GLIS3: variants seen among roughly 807,000 people sequenced by gnomAD.
GLIS3 encodes zinc finger protein GLIS3.
A neutral mutation model predicts 78.6 loss-of-function variants in GLIS3; 53 were observed. The ratio of observed to expected loss-of-function variants is 0.67; its 90% CI spans 0.54 to 0.85. The LOEUF (loss-of-function observed/expected upper bound fraction) is 0.85, where lower values mean the gene tolerates loss of function less well. Among genes scored for constraint, GLIS3 ranks in the 40% least tolerant of loss-of-function variants. The pLI is 0.00. For missense variants in GLIS3, 1,703 were observed against 1,231.1 expected, an observed-to-expected ratio of 1.38 and a Z score of -5.74; for synonymous variants, 684 against 509.9, an observed-to-expected ratio of 1.34 and a Z score of -4.60.
chr9:4,461,807 G>A, the GLIS3 span, among the ~76,000 whole-genome samples: 2 of 152,168 alleles, frequency 1.3e-5, no homozygotes, highest in Non-Finnish European at 2.9e-5. Flanking sequence ...AAGATCAAGT[G>A]GAGCTATATG....
intron 6 of GLIS3, among the ~76,000 whole-genome samples, chr9:3,917,601 A>AT (rs5896034): frequency 0.11 from 16,270 of 146,282 alleles, 972 homozygotes; most frequent in East Asian, 0.17. Flanking sequence ...TCCATCCATT[A>AT]TTTTTTTTTT....
intron 4 of GLIS3, among the ~76,000 whole-genome samples, chr9:4,060,308 C>T (rs1826537515): frequency 6.6e-6 from 1 of 152,182 alleles, no homozygotes; most frequent in South Asian, 2.1e-4. Flanking sequence ...GTCTTTTGAA[C>T]CTCAAATCTG....
intron 2 of GLIS3, among the ~76,000 whole-genome samples, chr9:4,260,359 G>A (rs1825396560): frequency 6.6e-6 from 1 of 152,134 alleles, no homozygotes; most frequent in Non-Finnish European, 1.5e-5. Context: ...GAGGTCAGGA[G>A]TTCAAGACCA....
chr9:4,266,471 C>G (rs577541520), intron 2 of GLIS3, among the ~76,000 whole-genome samples: 2 of 152,182 alleles, frequency 1.3e-5, no homozygotes, highest in East Asian at 1.9e-4. Context: ...GACTTTGTTT[C>G]TTTCTTCTCC....
At chr9:4,147,957 A>G (rs1226102170) in intron 2 of GLIS3, among the ~76,000 whole-genome samples, 1 of 152,250 alleles carries the variant, frequency 6.6e-6, no homozygotes, top group Non-Finnish European at 1.5e-5. Context: ...CATTTTGCAC[A>G]CATCTCTATA....
chr9:4,346,541 C>T (rs987971311), intron 2 of GLIS3, among the ~76,000 whole-genome samples: 2 of 152,178 alleles, frequency 1.3e-5, no homozygotes, highest in African/African-American at 4.8e-5. Flanking sequence ...ACATCCAGAG[C>T]CACAAAATGT....
intron 9 of GLIS3, among the ~76,000 whole-genome samples, chr9:3,835,664 T>C (rs1818305734): frequency 6.6e-6 from 1 of 152,250 alleles, no homozygotes; most frequent in Non-Finnish European, 1.5e-5. Flanking sequence ...TATCTACTTG[T>C]AATCACAAAG....
chr9:3,940,166 G>A (rs1815770095), intron 4 of GLIS3, among the ~76,000 whole-genome samples: 1 of 152,156 alleles, frequency 6.6e-6, no homozygotes, highest in Non-Finnish European at 1.5e-5. Context: ...AAATGCAAAT[G>A]CATTACAAAT....
intron 6 of GLIS3, among the ~76,000 whole-genome samples, chr9:3,900,492 C>A (rs201880486): frequency 7.3e-6 from 1 of 136,834 alleles, no homozygotes; most frequent in Non-Finnish European, 1.6e-5. Context: ...GTACCCCCCC[C>A]AAAATATACA....
chr9:4,453,395 C>G, the GLIS3 span, among the ~76,000 whole-genome samples: 1 of 149,262 alleles, frequency 6.7e-6, no homozygotes, highest in Non-Finnish European at 1.5e-5. Flanking sequence ...GAACAGGCTA[C>G]CTACAGAATG....
chr9:3,951,876 A>ACACG (rs1563884259), intron 4 of GLIS3, among the ~76,000 whole-genome samples: 2 of 149,558 alleles, frequency 1.3e-5, no homozygotes, highest in Non-Finnish European at 3.0e-5. Context: ...ACACACACAC[A>ACACG]CACACACACG....
the GLIS3 span, among the ~76,000 whole-genome samples, chr9:4,435,758 G>A: frequency 2.0e-5 from 3 of 152,166 alleles, no homozygotes; most frequent in South Asian, 2.1e-4. Flanking sequence ...GACCATCCTG[G>A]CTAATACAGT....
chr9:3,875,003 G>C (rs1366900899), intron 8 of GLIS3, among the ~76,000 whole-genome samples: 2 of 152,076 alleles, frequency 1.3e-5, no homozygotes, highest in Non-Finnish European at 2.9e-5. Flanking sequence ...TAAAAGATGA[G>C]CAAACACAAA....
intron 2 of GLIS3, among the ~76,000 whole-genome samples, chr9:4,216,222 C>G (rs944214838): frequency 2.0e-5 from 3 of 151,978 alleles, no homozygotes; most frequent in Non-Finnish European, 4.4e-5. Flanking sequence ...CCTGTAATCC[C>G]AGCACTTTGG....
intron 9 of GLIS3, among the ~76,000 whole-genome samples, chr9:3,855,160 T>C (rs528609160): frequency 1.9e-4 from 29 of 152,344 alleles, no homozygotes; most frequent in East Asian, 9.6e-4. Flanking sequence ...CAACTTTCTA[T>C]GGATGCTCAC....
rs758154388 is a variant in GLIS3 at position 3,977,983 on chromosome 9, C to T, written c.1711-40794G>A. On this transcript the variant is annotated intron_variant, in intron 4 of 10. Transcript: ENST00000381971. This position sits in a 1 kb window ranked among gnomAD's most constrained non-coding sequence, Gnocchi z 4.1. ...AGTTGACACCGCTGGGTGCACCCTC[C>T]GCTGCTCCAAACCTGAGAGACAAAT... Among the ~76,000 whole-genome samples, 30 of 152,190 alleles carry T rather than the reference C, an allele frequency of 2.0e-4. No homozygotes were observed. Among genetic ancestry groups the T allele is most frequent in the Non-Finnish European group, 2.9e-4 (20 of 68,038 alleles).
At chr9:4,325,984 A>C (rs2130555767) in intron 2 of GLIS3, among the ~76,000 whole-genome samples, 1 of 152,270 alleles carries the variant, frequency 6.6e-6, no homozygotes, top group African/African-American at 2.4e-5. Context: ...TCTCACTTAT[A>C]AGTGGGAGCT....
Position 4,260,466 on chromosome 9 carries a change from C to T in GLIS3, c.388+25572G>A, listed in dbSNP as rs1587195703. Among the ~76,000 whole-genome samples the T allele has an allele frequency of 2.0e-5, 3 of 151,476 alleles. No homozygotes were observed. In the South Asian group the frequency reaches 6.2e-4, roughly 32 times the overall value. ...CCTGTAATCCCAGCTACTCGGGAGGCTGAGGCAGGAGAATTGCTTGAACTC... is the reference window on the plus strand; with the variant it reads ...CCTGTAATCCCAGCTACTCGGGAGGTTGAGGCAGGAGAATTGCTTGAACTC... On this transcript the variant is annotated intron_variant, in intron 2 of 10. Transcript: ENST00000381971.
At chr9:3,854,151 C>T (rs890066056) in intron 9 of GLIS3, among the ~76,000 whole-genome samples, 1 of 152,188 alleles carries the variant, frequency 6.6e-6, no homozygotes, top group Non-Finnish European at 1.5e-5. Context: ...ACCTGGTTCT[C>T]TTTCAGAGTA....
Sources: gnomAD v4.1 joint callset for allele counts (sites outside exome capture counted in the v4.1 genomes callset) on GRCh38, gnomAD v4.1.1 for gene constraint, Gnocchi (gnomAD v3.1) non-coding constraint, MANE v1.5 for transcripts, NCBI Gene and HGNC (gene_info 2026-07-23, HGNC 2026-07-21) for gene names.